The following TFPI variants were observed in gnomAD, a reference collection of about 807,000 sequenced individuals.
TFPI encodes the protein anti-convertin.
In TFPI, 15 loss-of-function variants were observed where a neutral mutation model predicts 34.6. The observed-to-expected ratio is 0.43, with a 90% CI of 0.29 to 0.67. The LOEUF (loss-of-function observed/expected upper bound fraction) is 0.67, where lower values mean the gene tolerates loss of function less well. TFPI is among the 30% of genes least tolerant of loss of function. TFPI has a pLI of 0.15. For missense variants in TFPI, 301 were observed against 364.0 expected (o/e 0.83, Z 1.41); for synonymous variants, 105 against 120.1 (o/e 0.87, Z 0.82).
Position 187,466,139 on chromosome 2 carries a change from T to C in TFPI, c.*797A>G, listed in dbSNP as rs1426203268. ...TTGTTATTTTTAGTAAGAAAAAATA[T>C]TGGGAAGCATAGTATTAAGAAGTAC... On this transcript the variant is annotated 3_prime_UTR_variant, in exon 8 of 8. Transcript: ENST00000233156. 1 of 152,162 alleles carries C rather than the reference T, an allele frequency of 6.6e-6. No individual in the cohort carries two copies. The highest frequency in any genetic ancestry group is 2.4e-5 in the African/African-American group (1 of 41,442). The allele number at this position is 152,162 out of a possible 1,614,324, so 9.4% of individuals were successfully genotyped here. A position where few individuals can be genotyped will look rare whatever the true frequency, so the allele number is the denominator to read the frequency against.
At chr2:187,505,387 A>G (rs1686138956) in intron 1 of TFPI, among the ~76,000 whole-genome samples, 1 of 152,092 alleles carries the variant, frequency 6.6e-6, no homozygotes, top group Non-Finnish European at 1.5e-5. Flanking sequence ...AGCTCTGACA[A>G]ATTTGGATCA....
chr2:187,506,985 T>C (rs1686265465), intron 1 of TFPI, among the ~76,000 whole-genome samples: 1 of 152,190 alleles, frequency 6.6e-6, no homozygotes, highest in Non-Finnish European at 1.5e-5. Flanking sequence ...GGTATGCACA[T>C]GGCATGTTGG....
At chr2:187,530,620 G>A (rs1410970462) in intron 1 of TFPI, among the ~76,000 whole-genome samples, 1 of 152,104 alleles carries the variant, frequency 6.6e-6, no homozygotes, top group East Asian at 1.9e-4. Flanking sequence ...ATAACTTGAT[G>A]GTTACGTTCT....
At chr2:187,496,272 C>G (rs564991101) in intron 3 of TFPI, among the ~76,000 whole-genome samples, 3 of 152,010 alleles carry the variant, frequency 2.0e-5, no homozygotes, top group Non-Finnish European at 4.4e-5. Context: ...CTATTTTATG[C>G]AGCTTACAAT....
intron 4 of TFPI, 81 bp downstream of exon 4, chr2:187,488,252 AAAAC>A (rs1559111043): frequency 1.7e-6 from 2 of 1,166,184 alleles, no homozygotes; most frequent in East Asian, 2.5e-5. Flanking sequence ...GGGACCAGAA[AAAAC>A]AAACAAGCAA....
At position 187,522,605 on chromosome 2, in the gene TFPI, G is replaced by A. The variant is rs143972126; in HGVS notation, c.-2-18835C>T. On this transcript the variant is annotated intron_variant, in intron 1 of 7. Coordinates refer to ENST00000233156, the MANE Select transcript of TFPI (RefSeq NM_006287.6). ...GAAAACGAAAACAAAATAAAAAGGC[G>A]GGGTGTGGTGGCTCATACCTGTAAT... 4.1e-3 allele frequency among the ~76,000 whole-genome samples: 615 copies of A among 151,502 alleles called. 7 individuals carry two copies. The highest frequency in any genetic ancestry group is 0.014 in the African/African-American group (587 of 41,226).
At chr2:187,508,828 C>G (rs566139361) in intron 1 of TFPI, among the ~76,000 whole-genome samples, 34 of 152,206 alleles carry the variant, frequency 2.2e-4, no homozygotes, top group Admixed American at 5.9e-4. Context: ...ACTTCCAATA[C>G]TATGTTGAGT....
intron 1 of TFPI, among the ~76,000 whole-genome samples, chr2:187,511,998 A>C (rs370869178): frequency 3.3e-5 from 5 of 152,308 alleles, no homozygotes; most frequent in East Asian, 3.9e-4. Context: ...GTAAATTTAA[A>C]ACCTATAATT....
chr2:187,522,740 A>AG (rs1687460454), intron 1 of TFPI, among the ~76,000 whole-genome samples: 1 of 149,070 alleles, frequency 6.7e-6, no homozygotes, highest in South Asian at 2.1e-4. Flanking sequence ...AAAAAAAAAA[A>AG]AAAACCCAGG....
intron 6 of TFPI, among the ~76,000 whole-genome samples, chr2:187,468,954 A>G (rs971118154): frequency 1.2e-4 from 19 of 152,118 alleles, no homozygotes; most frequent in African/African-American, 4.6e-4. Flanking sequence ...TATTAGCAGA[A>G]AATAGAACTT....
chr2:187,511,376 T>C (rs1156333111), intron 1 of TFPI, among the ~76,000 whole-genome samples: 1 of 152,188 alleles, frequency 6.6e-6, no homozygotes, highest in East Asian at 1.9e-4. Context: ...TTCTTGATAC[T>C]CTGATTTGGT....
chr2:187,466,886 AT>A lies in TFPI; in HGVS notation c.*49del, dbSNP rs1178359961. 5 of 1,047,634 alleles carry A rather than the reference AT, an allele frequency of 4.8e-6. No homozygotes were observed. The African/African-American group carries it at 8.3e-5, about 17-fold the overall frequency. 64.9% of individuals were successfully genotyped at this position (1,047,634 alleles called of 1,614,324 possible). A position where few individuals can be genotyped will look rare whatever the true frequency, so the allele number is the denominator to read the frequency against. On this transcript the variant is annotated 3_prime_UTR_variant, in exon 8 of 8. Transcript: ENST00000233156. ...GAAAAATAGAAAATCATAGTGAAAC[AT>A]TTCATATAAAATATTTAGTAGAATT...
At chr2:187,513,442 T>TA (rs1686784265) in intron 1 of TFPI, among the ~76,000 whole-genome samples, 1 of 152,224 alleles carries the variant, frequency 6.6e-6, no homozygotes. Context: ...TTATCTGGTA[T>TA]AAAAATCACA....
At chr2:187,473,810 T>A (rs990303252) in intron 6 of TFPI, among the ~76,000 whole-genome samples, 4 of 151,232 alleles carry the variant, frequency 2.6e-5, no homozygotes, top group African/African-American at 9.7e-5. Flanking sequence ...AGCTTTTTTT[T>A]TTCCCCCCGC....
rs745798956 is a variant in TFPI at position 187,467,086 on chromosome 2, CA to C, written c.809-45del. On this transcript the variant is annotated intron_variant, in intron 7 of 7. Transcript: ENST00000233156. ...TAAATTAATGTGTGATAAAATAACA[CA>C]ATGAAATGTTTTATCTAAAATCTTC... 7.3e-5 allele frequency: 90 copies of C among 1,232,900 alleles called. No homozygotes were observed. The African/African-American group carries it at 1.2e-3, about 16-fold the overall frequency. 76.4% of individuals were successfully genotyped at this position (1,232,900 alleles called of 1,614,324 possible).
chr2:187,489,774 G>A (rs1574410220), intron 3 of TFPI, among the ~76,000 whole-genome samples: 1 of 151,362 alleles, frequency 6.6e-6, no homozygotes, highest in Admixed American at 6.6e-5. Flanking sequence ...ATGTGGTTTA[G>A]CACACTAGAA....
At chr2:187,530,924 G>C (rs1687927335) in intron 1 of TFPI, among the ~76,000 whole-genome samples, 1 of 152,162 alleles carries the variant, frequency 6.6e-6, no homozygotes. Context: ...ATGAATAAAA[G>C]TGAATATAAT....
chr2:187,473,013 G>A (rs1034388893), intron 6 of TFPI, among the ~76,000 whole-genome samples: 4 of 148,488 alleles, frequency 2.7e-5, no homozygotes, highest in Admixed American at 6.7e-5. Context: ...ACTCCATCTC[G>A]AAAAAAAAAG....
Position 187,504,038 on chromosome 2 carries a change from G to T in TFPI, c.-2-268C>A, listed in dbSNP as rs184702522. ...CAACTTTGAAAATATAAATAAAAAG[G>T]ACAGTAATTGAGAGACATGGGTAAA... is the stretch of plus-strand genomic sequence containing the variant. On this transcript the variant is annotated intron_variant, in intron 1 of 7. Transcript: ENST00000233156. Among the ~76,000 whole-genome samples the T allele has an allele frequency of 1.9e-3, 282 of 152,162 alleles. 3 individuals carry two copies. Among genetic ancestry groups the T allele is most frequent in the African/African-American group, 6.7e-3 (277 of 41,528 alleles).
Sources: gnomAD v4.1 joint callset for allele counts (sites outside exome capture counted in the v4.1 genomes callset) on GRCh38, gnomAD v4.1.1 for gene constraint, MANE v1.5 for transcripts, NCBI Gene and HGNC (gene_info 2026-07-23, HGNC 2026-07-21) for gene names.